The following FLNA variants were observed in gnomAD, a reference collection of about 807,000 sequenced individuals.
The protein encoded by FLNA is filamin-A.
FLNA carries 7 observed loss-of-function variants against 157.6 expected under a neutral mutation model. The observed-to-expected ratio is 0.04, with a 90% CI of 0.03 to 0.08. The LOEUF (loss-of-function observed/expected upper bound fraction) is 0.08. FLNA is among the 10% of genes least tolerant of loss of function. FLNA has a pLI of 1.00. For missense variants in FLNA, 1,750 were observed against 2,398.4 expected (o/e 0.73, Z 5.65); for synonymous variants, 1,103 against 1,060.8 (o/e 1.04, Z -0.77).
In FLNA at chrX:154,366,468, A is replaced by C; in HGVS notation, c.1068T>G (p.Val356=). ...TGTGCTGGCCAGCAAAGAGCACAGTAACCTGTCCCCAGAAGGGTGGGCCGT... is the reference window on the plus strand; with the variant it reads ...TGTGCTGGCCAGCAAAGAGCACAGTCACCTGTCCCCAGAAGGGTGGGCCGT... ...YVPEVTGTHK[V]TVLFAGQHIA... is the part of the protein sequence containing the mutation. The change falls in exon 8 of 48, where the codon GTT becomes GTG. Residue 356 remains valine (V), a splice_region_variant and synonymous_variant. Transcript: ENST00000369850. 1 of 1,211,608 alleles carries C rather than the reference A, an allele frequency of 8.3e-7. No individual in the cohort carries two copies. Among genetic ancestry groups the C allele is most frequent in the South Asian group, 1.8e-5 (1 of 57,015 alleles).
Position 154,366,049 on chromosome X carries a change from G to T in FLNA, c.1404C>A (p.Ser468Arg). ...CTTGGCCAACAGTGACAGTGTAGGG[G>T]CTGCGAGGGATGGGCACGCCGGCAA... ...VTFAGVPIPR[S>R]PYTVTVGQAC... The change falls in exon 9 of 48, where the codon AGC becomes AGA. Residue 468 changes from serine to arginine, a missense_variant. Ser to Arg is a moderately radical substitution (Grantham distance 110). Around this residue, in one of 5 missense-constraint regions of FLNA, gnomAD observed 648 missense variants for 805.8 expected, o/e 0.80. Transcript: ENST00000369850. The T allele has an allele frequency of 8.3e-7, 1 of 1,208,314 alleles. No individual in the cohort carries two copies.
Position 154,352,036 on chromosome X carries a change from T to C in FLNA, c.6770-15A>G. On this transcript the variant is annotated splice_polypyrimidine_tract_variant and intron_variant, in intron 41 of 47. Transcript: ENST00000369850. Reference sequence around the variant, plus strand: ...ACTGAATTCGGCTGTGGGAGAACAGTTTGTCCTCACTGAAGGCTGCTTCAC... The same window carrying C: ...ACTGAATTCGGCTGTGGGAGAACAGCTTGTCCTCACTGAAGGCTGCTTCAC... 1 of 1,211,089 alleles carries C rather than the reference T, an allele frequency of 8.3e-7. No homozygotes were observed. Among genetic ancestry groups the C allele is most frequent in the Non-Finnish European group, 1.1e-6 (1 of 895,355 alleles).
At chrX:154,358,757 G>C (rs1238752789) in intron 26 of FLNA, 189 bp from the exon 27 acceptor site, 2 of 600,695 alleles carry the variant, frequency 3.3e-6, no homozygotes, top group Non-Finnish European at 5.3e-6. Context: ...TGGGACCCTT[G>C]CCTGCCTGCC....
At chrX:154,356,159 G>A (rs916083190) in intron 30 of FLNA, among the ~76,000 whole-genome samples, 49 of 111,921 alleles carry the variant, frequency 4.4e-4, no homozygotes, top group African/African-American at 1.5e-3. Context: ...ACAGGTACCC[G>A]ACTGCCCCCA....
In FLNA at chrX:154,357,475, C is replaced by T. The variant is rs1569551558; in HGVS notation, c.4904G>A (p.Arg1635His). Reference protein sequence around the residue: ...DEIPFSPYRVRAVPTGDASKC... With the variant: ...DEIPFSPYRVHAVPTGDASKC... ...GCTGGCGTCCCCGGTGGGCACGGCA[C>T]GCACGCGGTACGGGGAGAAGGGGAT... The change falls in exon 29 of 48, where the codon CGT becomes CAT. Residue 1635 changes from arginine to histidine, a missense_variant. Physicochemically the swap from Arg to His is conservative, Grantham distance 29. Coordinates refer to ENST00000369850, the MANE Select transcript of FLNA (RefSeq NM_001110556.2). 10 of 1,211,055 alleles carry T rather than the reference C, an allele frequency of 8.3e-6. No homozygotes were observed. The East Asian group carries it at 8.9e-5, about 11-fold the overall frequency.
At chrX:154,361,251 G>C in intron 21 of FLNA, 57 bp downstream of exon 21, 5 of 1,132,719 alleles carry the variant, frequency 4.4e-6, no homozygotes, top group Non-Finnish European at 6.0e-6. Flanking sequence ...GGGTACCTTT[G>C]GGGCCCTCAG....
At chrX:154,349,176 G>A (rs782597231) in intron 47 of FLNA, 140 bp from the exon 48 acceptor site, 43 of 772,256 alleles carry the variant, frequency 5.6e-5, no homozygotes, top group Non-Finnish European at 8.0e-5. Flanking sequence ...CCCCAACCCA[G>A]GCCAGCTTAG....
Position 154,362,306 on chromosome X carries a change from G to A in FLNA, c.2592C>T (p.Val864=). Residue 864 remains valine, a synonymous_variant, in exon 18 of 48, where the codon GTC becomes GTT. Coordinates refer to ENST00000369850, the MANE Select transcript of FLNA (RefSeq NM_001110556.2). ...DQATPTSPIR[V]KVEPSHDASK... is the part of the protein sequence containing the mutation. Reference sequence around the variant, plus strand: ...TGGCGTCATGAGAGGGCTCCACCTTGACTCGGATGGGGCTGGTGGGCGTGG... The same window carrying A: ...TGGCGTCATGAGAGGGCTCCACCTTAACTCGGATGGGGCTGGTGGGCGTGG... 8.3e-7 allele frequency: 1 copy of A among 1,211,316 alleles called. No homozygotes were observed. Among genetic ancestry groups the A allele is most frequent in the Non-Finnish European group, 1.1e-6 (1 of 895,370 alleles).
chrX:154,374,117 G>A (rs1569551974), intron 1 of FLNA, among the ~76,000 whole-genome samples: 1 of 112,527 alleles, frequency 8.9e-6, no homozygotes, highest in Non-Finnish European at 1.9e-5. Flanking sequence ...CACTGGCTGA[G>A]AAGTGTCCTT....
At chrX:154,350,263 G>A in intron 44 of FLNA, 56 bp from the exon 45 acceptor site, 1 of 1,090,952 alleles carries the variant, frequency 9.2e-7, no homozygotes, top group Non-Finnish European at 1.3e-6. Flanking sequence ...ACCAGCAGAT[G>A]GTGTCTGTGA....
At position 154,371,186 on chromosome X, in the gene FLNA, G is replaced by A. The variant is rs1557180245; in HGVS notation, c.60C>T (p.Gly20=). The A allele has an allele frequency of 4.2e-6, 5 of 1,193,341 alleles. No individual in the cohort carries two copies. The highest frequency in any genetic ancestry group is 4.6e-5 in the Admixed American group (2 of 43,460). ...QSAAGAAPGG[G]VDTRDAEMPA... is the part of the protein sequence containing the mutation. ...GCATCTCGGCGTCCCGCGTGTCGAC[G>A]CCGCCGCCCGGAGCCGCGCCTGCTG... is the stretch of plus-strand genomic sequence containing the variant. Residue 20 remains glycine, a synonymous_variant, in exon 2 of 48, where the codon GGC becomes GGT. Transcript: ENST00000369850.
chrX:154,367,805 C>T, intron 3 of FLNA, 37 bp downstream of exon 3: 1 of 1,210,613 alleles, frequency 8.3e-7, no homozygotes, highest in South Asian at 1.8e-5. Flanking sequence ...CCATGGGTGA[C>T]CCCAGCCCAG....
rs782291426 is a variant in FLNA, at chrX:154,366,164, A to G, written c.1289T>C (p.Val430Ala). The change falls in exon 9 of 48, where the codon GTA (valine) becomes GCA (alanine). Residue 430 changes from valine (V) to alanine (A), a missense_variant. Around this residue, in one of 5 missense-constraint regions of FLNA, gnomAD observed 648 missense variants for 805.8 expected, o/e 0.80. Coordinates refer to ENST00000369850, the MANE Select transcript of FLNA (RefSeq NM_001110556.2). Reference protein sequence around the residue: ...IQDPMGQKGTVEPQLEARGDS... With the variant: ...IQDPMGQKGTAEPQLEARGDS... The stretch of plus-strand genomic sequence containing the variant: ...GCCCCGGGCCTCCAGCTGAGGCTCT[A>G]CCGTGCCCTTCTGTCCCATGGGGTC... The G allele has an allele frequency of 8.3e-7, 1 of 1,209,318 alleles. No individual in the cohort carries two copies. The highest frequency in any genetic ancestry group is 1.7e-5 in the African/African-American group (1 of 57,366).
In FLNA at chrX:154,360,383, T is replaced by C. The variant is rs782318545; in HGVS notation, c.3412A>G (p.Ile1138Val). The change falls in exon 22 of 48, where the codon ATC (isoleucine) becomes GTC (valine). Residue 1138 changes from isoleucine (I) to valine (V), a missense_variant. This residue lies in a region of FLNA where 648 missense variants were observed against 805.8 expected (regional missense o/e 0.80). Coordinates refer to ENST00000369850, the MANE Select transcript of FLNA (RefSeq NM_001110556.2). Reference protein sequence around the residue: ...PTEPGDYNINILFADTHIPGS... With the variant: ...PTEPGDYNINVLFADTHIPGS... ...GGGATGTGGGTGTCAGCGAAGAGGA[T>C]GTTGATGTTGTAGTCCCCGGGCTCG... is the stretch of plus-strand genomic sequence containing the variant. 4.1e-6 allele frequency: 5 copies of C among 1,211,004 alleles called. No individual in the cohort carries two copies. The highest frequency in any genetic ancestry group is 1.1e-6 in the Non-Finnish European group (1 of 895,409).
chrX:154,352,689 G>A lies in FLNA; in HGVS notation c.6380-14C>T. ...AGAAGGGGCTGCCTGCAGGAAGAAAGCACGGCCCACGCCCCTCCAGTCACA... is the reference window on the plus strand; with the variant it reads ...AGAAGGGGCTGCCTGCAGGAAGAAAACACGGCCCACGCCCCTCCAGTCACA... On this transcript the variant is annotated splice_polypyrimidine_tract_variant and intron_variant, in intron 39 of 47. Transcript: ENST00000369850. 2 of 1,211,794 alleles carry A rather than the reference G, an allele frequency of 1.7e-6. No individual in the cohort carries two copies. Among genetic ancestry groups the A allele is most frequent in the Non-Finnish European group, 2.2e-6 (2 of 895,566 alleles).
chrX:154,368,617 G>A (rs976222382), intron 2 of FLNA, among the ~76,000 whole-genome samples: 3 of 112,455 alleles, frequency 2.7e-5, no homozygotes, highest in Non-Finnish European at 5.6e-5. Context: ...GGGTGGGTGG[G>A]GTGAGGCAGG....
Position 154,360,496 on chromosome X carries a change from A to C in FLNA, c.3299T>G (p.Leu1100Arg), listed in dbSNP as rs782307520. 2.5e-6 allele frequency: 3 copies of C among 1,211,258 alleles called. No individual in the cohort carries two copies. The highest frequency in any genetic ancestry group is 3.4e-6 in the Non-Finnish European group (3 of 895,398). Residue 1100 changes from leucine to arginine, a missense_variant, in exon 22 of 48, where the codon CTG becomes CGG. Coordinates refer to ENST00000369850, the MANE Select transcript of FLNA (RefSeq NM_001110556.2). ...IDTKGAGTGG[L>R]GLTVEGPCEA... Reference sequence around the variant, plus strand: ...ACAGGGGCCCTCCACCGTCAGGCCCAGGCCACCTGTGCCGGCGCCCTTGGT... The same window carrying C: ...ACAGGGGCCCTCCACCGTCAGGCCCCGGCCACCTGTGCCGGCGCCCTTGGT...
At position 154,371,263 on chromosome X, in the gene FLNA, C is replaced by A; in HGVS notation, c.-18G>T. On this transcript the variant is annotated 5_prime_UTR_variant, in exon 2 of 48. Coordinates refer to ENST00000369850, the MANE Select transcript of FLNA (RefSeq NM_001110556.2). The stretch of plus-strand genomic sequence containing the variant: ...CTACTCATTTTGAGGCGCGAGAAGC[C>A]GGGGGGGCGGTGCTGCAGCCTCGGC... 1 of 1,196,857 alleles carries A rather than the reference C, an allele frequency of 8.4e-7. No individual in the cohort carries two copies. The highest frequency in any genetic ancestry group is 1.8e-5 in the South Asian group (1 of 55,399).
chrX:154,364,228 GC>G (rs782810303), intron 14 of FLNA, 30 bp downstream of exon 14: 1 of 1,207,784 alleles, frequency 8.3e-7, no homozygotes, highest in Non-Finnish European at 1.1e-6. Context: ...GCCCACACCT[GC>G]CCTGCCCCCA....
Sources: gnomAD v4.1 joint callset for allele counts (sites outside exome capture counted in the v4.1 genomes callset) on GRCh38, gnomAD v4.1.1 for gene constraint, gnomAD v4.1.1 regional missense constraint, MANE v1.5 for transcripts, NCBI Gene and HGNC (gene_info 2026-07-23, HGNC 2026-07-21) for gene names.